NCKAP5: variants seen among roughly 807,000 people sequenced by gnomAD.
NCKAP5 encodes the protein nck-associated protein 5.
In NCKAP5, 92 loss-of-function variants were observed where a neutral mutation model predicts 167.0. That is an observed-to-expected ratio of 0.55 (90% CI 0.47 to 0.66). NCKAP5 has a LOEUF of 0.66. NCKAP5 is among the 30% of genes least tolerant of loss of function. The pLI, the probability that NCKAP5 is intolerant of heterozygous loss-of-function variation, is 0.00. For synonymous variants in NCKAP5, 891 were observed against 877.4 expected (o/e 1.02, Z -0.27); for missense variants, 2,378 against 2,315.0 (o/e 1.03, Z -0.56).
chr2:133,601,300 C>A, the NCKAP5 span, among the ~76,000 whole-genome samples: 1 of 152,210 alleles, frequency 6.6e-6, no homozygotes, highest in Admixed American at 6.5e-5. Flanking sequence ...CGTGTTTATT[C>A]AACTACCATT....
At chr2:133,417,770 G>C (rs1157689391) in intron 3 of NCKAP5, among the ~76,000 whole-genome samples, 1 of 152,194 alleles carries the variant, frequency 6.6e-6, no homozygotes, top group Non-Finnish European at 1.5e-5. Flanking sequence ...GAGAAGGCTG[G>C]AGGTGGGGTG....
intron 10 of NCKAP5, among the ~76,000 whole-genome samples, chr2:132,863,953 C>T (rs190162731): frequency 6.6e-6 from 1 of 152,192 alleles, no homozygotes; most frequent in Non-Finnish European, 1.5e-5. Flanking sequence ...GGGCAGATGG[C>T]TGTCTTAGCT....
chr2:132,967,261 G>A (rs542563622), intron 7 of NCKAP5, among the ~76,000 whole-genome samples: 10 of 151,436 alleles, frequency 6.6e-5, no homozygotes, highest in Admixed American at 5.9e-4. Context: ...GTATTATGAT[G>A]TAGAAATAAT....
intron 8 of NCKAP5, among the ~76,000 whole-genome samples, chr2:132,902,077 C>A (rs1226223253): frequency 6.6e-6 from 1 of 152,142 alleles, no homozygotes; most frequent in Non-Finnish European, 1.5e-5. Flanking sequence ...TATACAGAAG[C>A]AATTATTACT....
chr2:132,711,551 C>T (rs543652182), intron 19 of NCKAP5, among the ~76,000 whole-genome samples: 2 of 152,202 alleles, frequency 1.3e-5, no homozygotes, highest in Non-Finnish European at 2.9e-5. Context: ...TCTAGTATAT[C>T]TGGTTGCCTC....
intron 8 of NCKAP5, among the ~76,000 whole-genome samples, chr2:132,921,448 C>T (rs1291647620): frequency 6.6e-6 from 1 of 152,200 alleles, no homozygotes; most frequent in East Asian, 1.9e-4. Flanking sequence ...AATATAACAT[C>T]CCCATAACAA....
At chr2:133,000,864 GA>G (rs564210043) in intron 6 of NCKAP5, among the ~76,000 whole-genome samples, 256 of 152,248 alleles carry the variant, frequency 1.7e-3, no homozygotes, top group African/African-American at 5.7e-3. Flanking sequence ...CTAAGTTAAA[GA>G]AGCCACACAC....
intron 8 of NCKAP5, among the ~76,000 whole-genome samples, chr2:132,880,688 G>A: frequency 6.6e-6 from 1 of 152,172 alleles, no homozygotes; most frequent in Non-Finnish European, 1.5e-5. Context: ...CTCAAATACT[G>A]TGACACAATC....
At chr2:132,704,197 C>A (rs906921142) in intron 19 of NCKAP5, among the ~76,000 whole-genome samples, 2 of 152,096 alleles carry the variant, frequency 1.3e-5, no homozygotes, top group African/African-American at 4.8e-5. Context: ...CAAGTGGTGG[C>A]TTTTTTCTTT....
intron 8 of NCKAP5, among the ~76,000 whole-genome samples, chr2:132,961,859 GCT>G (rs2076520588): frequency 6.6e-6 from 1 of 152,186 alleles, no homozygotes; most frequent in Admixed American, 6.5e-5. Context: ...GATAATATCA[GCT>G]CTTTCCTATT....
chr2:133,462,236 G>T (rs1692244606), intron 3 of NCKAP5, among the ~76,000 whole-genome samples: 1 of 151,990 alleles, frequency 6.6e-6, no homozygotes, highest in South Asian at 2.1e-4. Flanking sequence ...ATCCCTTTTG[G>T]GTCTCACCTT....
At chr2:133,672,214 G>T in the NCKAP5 span, among the ~76,000 whole-genome samples, 3 of 152,070 alleles carry the variant, frequency 2.0e-5, no homozygotes, top group Non-Finnish European at 4.4e-5. Flanking sequence ...AGCAGCAAAG[G>T]CCCAAAGATG....
At chr2:133,625,609 T>C in the NCKAP5 span, among the ~76,000 whole-genome samples, 1 of 151,922 alleles carries the variant, frequency 6.6e-6, no homozygotes, top group Non-Finnish European at 1.5e-5. Flanking sequence ...TGAGCAGCAA[T>C]AAGAATAATA....
chr2:133,520,633 T>C (rs1360351729), intron 2 of NCKAP5, among the ~76,000 whole-genome samples: 2 of 152,186 alleles, frequency 1.3e-5, no homozygotes, highest in African/African-American at 2.4e-5. Flanking sequence ...TACTGAACTT[T>C]ATGCTCCTTC....
the NCKAP5 span, among the ~76,000 whole-genome samples, chr2:133,608,670 A>C: frequency 6.6e-6 from 1 of 152,204 alleles, no homozygotes; most frequent in Non-Finnish European, 1.5e-5. Flanking sequence ...TTTGAGCCTC[A>C]ATAATCAATA....
intron 19 of NCKAP5, among the ~76,000 whole-genome samples, chr2:132,711,207 G>T (rs1558955014): frequency 1.3e-5 from 2 of 152,190 alleles, no homozygotes; most frequent in African/African-American, 2.4e-5. Flanking sequence ...CATCCCATGT[G>T]CTTTCCCTTT....
intron 6 of NCKAP5, among the ~76,000 whole-genome samples, chr2:133,061,866 C>T (rs774969873): frequency 6.6e-6 from 1 of 152,208 alleles, no homozygotes; most frequent in Non-Finnish European, 1.5e-5. Context: ...GAGCCCCTCA[C>T]CACCTCCTAA....
chr2:133,497,723 T>C (rs779860685), intron 3 of NCKAP5, among the ~76,000 whole-genome samples: 2 of 152,192 alleles, frequency 1.3e-5, no homozygotes, highest in Non-Finnish European at 2.9e-5. Context: ...AGTCCTCCAA[T>C]AGGTTTGTTT....
At chr2:132,879,232 T>C (rs1005953600) in intron 8 of NCKAP5, among the ~76,000 whole-genome samples, 3 of 152,210 alleles carry the variant, frequency 2.0e-5, no homozygotes, top group East Asian at 1.9e-4. Context: ...TCTGTGAAAA[T>C]GTAAATGGGA....
Sources: allele counts gnomAD v4.1 joint callset (sites outside exome capture counted in the v4.1 genomes callset), GRCh38; gene constraint gnomAD v4.1.1; transcripts MANE v1.5; gene names NCBI Gene and HGNC (gene_info 2026-07-23, HGNC 2026-07-21).